Variants in ARHGAP18 observed in about 807,000 individuals in gnomAD.
ARHGAP18 encodes Rho GTPase activating protein 18.
Under a neutral mutation model 86.2 loss-of-function variants are expected in ARHGAP18, and 67 were observed. That is an observed-to-expected ratio of 0.78 (90% CI 0.64 to 0.95). ARHGAP18 has a LOEUF of 0.95. Among genes scored for constraint, ARHGAP18 ranks in the 40% least tolerant of loss-of-function variants. The pLI, the probability that ARHGAP18 is intolerant of heterozygous loss-of-function variation, is 0.00. For synonymous variants in ARHGAP18, 283 were observed against 280.4 expected, an observed-to-expected ratio of 1.01 and a Z score of -0.09; for missense variants, 691 against 780.4, an observed-to-expected ratio of 0.89 and a Z score of 1.37.
At chr6:129,683,022 G>GA (rs1189085736) in intron 1 of ARHGAP18, among the ~76,000 whole-genome samples, 8 of 146,314 alleles carry the variant, frequency 5.5e-5, no homozygotes, top group African/African-American at 1.0e-4. Context: ...TATACTTCAG[G>GA]AAAAAAAAAG....
At chr6:129,605,519 T>C (rs896119439) in intron 10 of ARHGAP18, among the ~76,000 whole-genome samples, 14 of 152,218 alleles carry the variant, frequency 9.2e-5, no homozygotes, top group Admixed American at 7.8e-4. Flanking sequence ...ATTTATATTT[T>C]ACCTTACTGC....
intron 12 of ARHGAP18, among the ~76,000 whole-genome samples, chr6:129,589,812 A>T (rs1788474994): frequency 6.6e-6 from 1 of 152,222 alleles, no homozygotes; most frequent in Non-Finnish European, 1.5e-5. Context: ...ACAATAGGCC[A>T]TCTGCAAGCT....
intron 1 of ARHGAP18, among the ~76,000 whole-genome samples, chr6:129,653,970 A>G (rs1167842700): frequency 2.0e-5 from 3 of 152,132 alleles, no homozygotes; most frequent in Non-Finnish European, 4.4e-5. Context: ...TTGAGCCCAG[A>G]ACTTCAAGGC....
At chr6:129,675,012 A>G (rs753278579) in intron 1 of ARHGAP18, among the ~76,000 whole-genome samples, 3 of 152,216 alleles carry the variant, frequency 2.0e-5, no homozygotes, top group Non-Finnish European at 2.9e-5. Context: ...TAATAATGAA[A>G]TGATACCAGC....
intron 1 of ARHGAP18, among the ~76,000 whole-genome samples, chr6:129,697,746 A>G (rs1774644012): frequency 6.6e-6 from 1 of 152,210 alleles, no homozygotes; most frequent in Admixed American, 6.5e-5. Context: ...AAACATTAAA[A>G]TACATCCCCA....
Position 129,685,864 on chromosome 6 carries a change from A to G in ARHGAP18, c.113+24160T>C, listed in dbSNP as rs557016837. 1.1e-4 allele frequency among the ~76,000 whole-genome samples: 16 copies of G among 152,186 alleles called. No homozygotes were observed. The South Asian group carries it at 3.3e-3, about 32-fold the overall frequency. ...GAGAAGTCCAGATGGTTTTCTCCCT[A>G]CTCAAGCCCTCCTCTAGGAAACGAA... On this transcript the variant is annotated intron_variant, in intron 1 of 14. Coordinates refer to ENST00000368149, the MANE Select transcript of ARHGAP18 (RefSeq NM_033515.3).
At chr6:129,691,995 T>C (rs1176177067) in intron 1 of ARHGAP18, among the ~76,000 whole-genome samples, 2 of 152,192 alleles carry the variant, frequency 1.3e-5, no homozygotes, top group Non-Finnish European at 2.9e-5. Flanking sequence ...GCCTGGGGCT[T>C]CCTCAGCACT....
chr6:129,578,121 TGTGAGGAGGTAATAGA>T lies in ARHGAP18; in HGVS notation c.*376_*391del, dbSNP rs1788216817. On this transcript the variant is annotated 3_prime_UTR_variant, in exon 15 of 15. Coordinates refer to ENST00000368149, the MANE Select transcript of ARHGAP18 (RefSeq NM_033515.3). ...GCAAACCTAACTGGGAAAGGGTAGA[TGTGAGGAGGTAATAGA>T]GGTGAGAGAGCATATATTACAGTAT... 6.6e-6 allele frequency: 1 copy of T among 152,156 alleles called. No individual in the cohort carries two copies. The highest frequency in any genetic ancestry group is 1.5e-5 in the Non-Finnish European group (1 of 68,064). The allele number at this position is 152,156 out of a possible 1,614,324, so 9.4% of individuals were successfully genotyped here. A position where few individuals can be genotyped will look rare whatever the true frequency, so the allele number is the denominator to read the frequency against.
rs1331907271 is a variant in ARHGAP18 at position 129,626,073 on chromosome 6, C to CACACACACACACAT, written c.786+3279_786+3280insATGTGTGTGTGTGT. On this transcript the variant is annotated intron_variant, in intron 5 of 14. Transcript: ENST00000368149. Reference sequence around the variant, plus strand: ...ACATATATATACACATATACACACACACACACACACACACACACACACACA... The same window carrying CACACACACACACAT: ...ACATATATATACACATATACACACACACACACACACACATACACACACACACACACACACACACA... 9.1e-3 allele frequency among the ~76,000 whole-genome samples: 1,054 copies of CACACACACACACAT among 115,826 alleles called. 19 individuals are homozygous for CACACACACACACAT. Among genetic ancestry groups the CACACACACACACAT allele is most frequent in the African/African-American group, 0.032 (1,021 of 31,756 alleles). 76.0% of individuals were successfully genotyped at this position (115,826 alleles called of 152,430 possible). A position where few individuals can be genotyped will look rare whatever the true frequency, so the allele number is the denominator to read the frequency against.
At position 129,589,718 on chromosome 6, in the gene ARHGAP18, C is replaced by T. The variant is rs1207778256; in HGVS notation, c.1714-5606G>A. 3.3e-5 allele frequency among the ~76,000 whole-genome samples: 5 copies of T among 152,082 alleles called. No individual in the cohort carries two copies. The South Asian group carries it at 8.3e-4, about 25-fold the overall frequency. On this transcript the variant is annotated intron_variant, in intron 12 of 14. Coordinates refer to ENST00000368149, the MANE Select transcript of ARHGAP18 (RefSeq NM_033515.3). ...TATCGGTACCAATATCTGTATTAGT[C>T]GTGGTTCTTGAAAAGGACAGAACTC...
At chr6:129,676,026 C>T (rs1774225905) in intron 1 of ARHGAP18, among the ~76,000 whole-genome samples, 1 of 152,198 alleles carries the variant, frequency 6.6e-6, no homozygotes, top group African/African-American at 2.4e-5. Context: ...ACCCAAAAAA[C>T]CTGGTTGGTG....
chr6:129,577,246 C>T lies in ARHGAP18; in HGVS notation c.*1267G>A, dbSNP rs1391475532. On this transcript the variant is annotated 3_prime_UTR_variant, in exon 15 of 15. Coordinates refer to ENST00000368149, the MANE Select transcript of ARHGAP18 (RefSeq NM_033515.3). The stretch of plus-strand genomic sequence containing the variant: ...TATGACTGTTCTCATTAACAGCATT[C>T]CCCCCCTTCATTAGAGACATCAAGA... 6.6e-6 allele frequency: 1 copy of T among 151,996 alleles called. No homozygotes were observed. The highest frequency in any genetic ancestry group is 1.5e-5 in the Non-Finnish European group (1 of 67,978). The allele number at this position is 151,996 out of a possible 1,614,324, so 9.4% of individuals were successfully genotyped here.
intron 1 of ARHGAP18, among the ~76,000 whole-genome samples, chr6:129,703,700 C>T (rs923665400): frequency 2.0e-5 from 3 of 152,196 alleles, no homozygotes; most frequent in African/African-American, 2.4e-5. Context: ...CCGGGTGCAA[C>T]CTCTAATAAT....
chr6:129,694,161 C>A (rs2114549436), intron 1 of ARHGAP18, among the ~76,000 whole-genome samples: 1 of 152,296 alleles, frequency 6.6e-6, no homozygotes, highest in South Asian at 2.1e-4. Flanking sequence ...ACCAGACAGG[C>A]AAACATTCCC....
At chr6:129,613,007 G>A (rs1789010778) in intron 7 of ARHGAP18, among the ~76,000 whole-genome samples, 1 of 152,052 alleles carries the variant, frequency 6.6e-6, no homozygotes, top group Non-Finnish European at 1.5e-5. Flanking sequence ...GGCGAGGCGG[G>A]CGGATCACAA....
chr6:129,707,874 T>C (rs1458390643), intron 1 of ARHGAP18, among the ~76,000 whole-genome samples: 2 of 152,008 alleles, frequency 1.3e-5, no homozygotes, highest in Non-Finnish European at 2.9e-5. Flanking sequence ...GCATCAACCA[T>C]CAACCTTGCA....
At chr6:129,689,306 TTTTTTGAGA>T in intron 1 of ARHGAP18, among the ~76,000 whole-genome samples, 1 of 152,280 alleles carries the variant, frequency 6.6e-6, no homozygotes, top group East Asian at 1.9e-4. Flanking sequence ...GTTTTTTGTC[TTTTTTGAGA>T]CTAAGTCTCA....
chr6:129,583,881 C>T, intron 13 of ARHGAP18, 107 bp downstream of exon 13: 1 of 1,407,518 alleles, frequency 7.1e-7, no homozygotes, highest in Non-Finnish European at 9.5e-7. Context: ...TACTACCCCA[C>T]AATTAAAACA....
At chr6:129,697,333 T>A (rs1774635286) in intron 1 of ARHGAP18, among the ~76,000 whole-genome samples, 1 of 152,184 alleles carries the variant, frequency 6.6e-6, no homozygotes, top group Admixed American at 6.5e-5. Context: ...GCCCCTAAGT[T>A]TTGGAATGGT....
Sources: gnomAD v4.1 joint callset for allele counts (sites outside exome capture counted in the v4.1 genomes callset) on GRCh38, gnomAD v4.1.1 for gene constraint, MANE v1.5 for transcripts, NCBI Gene and HGNC (gene_info 2026-07-23, HGNC 2026-07-21) for gene names.